The following SCLT1 variants were observed in gnomAD, a reference collection of about 807,000 sequenced individuals.
SCLT1 encodes the protein sodium channel-associated protein 1.
In SCLT1, 78 loss-of-function variants were observed where a neutral mutation model predicts 112.8. The observed-to-expected ratio is 0.69, with a 90% confidence interval of 0.58 to 0.83. The LOEUF is 0.83. SCLT1 is among the 40% of genes least tolerant of loss of function. The pLI, the probability that SCLT1 is intolerant of heterozygous loss-of-function variation, is 0.00. For synonymous variants in SCLT1, 257 were observed against 254.7 expected, an observed-to-expected ratio of 1.01 and a Z score of -0.09; for missense variants, 747 against 770.4, an observed-to-expected ratio of 0.97 and a Z score of 0.36.
chr4:128,917,370 A>C (rs912407894), intron 18 of SCLT1, among the ~76,000 whole-genome samples: 2 of 152,178 alleles, frequency 1.3e-5, no homozygotes, highest in African/African-American at 4.8e-5. Context: ...TAATATTAAG[A>C]TCAACTACTG....
At chr4:128,990,754 A>G (rs1370005099) in intron 9 of SCLT1, among the ~76,000 whole-genome samples, 1 of 151,782 alleles carries the variant, frequency 6.6e-6, no homozygotes, top group Non-Finnish European at 1.5e-5. Flanking sequence ...ATACAAGATC[A>G]ACGAACAAAA....
At chr4:129,080,413 T>C (rs1158713695) in intron 2 of SCLT1, among the ~76,000 whole-genome samples, 1 of 152,150 alleles carries the variant, frequency 6.6e-6, no homozygotes, top group East Asian at 1.9e-4. Flanking sequence ...GCTTGGAAAG[T>C]TTCCTGCCAA....
exon 4 of SCLT1, chr4:128,876,582 A>G (rs1308139406): frequency 2.6e-5 from 4 of 152,240 alleles, no homozygotes; most frequent in African/African-American, 7.2e-5. Context: ...ATTTCCCTTT[A>G]ATGCTCAGAA....
intron 2 of SCLT1, among the ~76,000 whole-genome samples, chr4:129,072,147 C>T (rs1185348647): frequency 6.6e-6 from 1 of 152,120 alleles, no homozygotes; most frequent in Non-Finnish European, 1.5e-5. Flanking sequence ...GTGCCCTAAT[C>T]CCTTCCAGCT....
rs1337049968 is a variant in SCLT1 at position 128,970,356 on chromosome 4, T to C, written c.777+22A>G. 3.0e-6 allele frequency: 4 copies of C among 1,327,808 alleles called. 1 individual carries two copies. In the South Asian group the frequency reaches 4.7e-5, roughly 16 times the overall value. The allele number at this position is 1,327,808 out of a possible 1,614,324, so 82.3% of individuals were successfully genotyped here. A position where few individuals can be genotyped will look rare whatever the true frequency, so the allele number is the denominator to read the frequency against. On this transcript the variant is annotated intron_variant, in intron 10 of 20. Transcript: ENST00000281142. ...AGAAAACTAAGCAATAGGTACCCATTTGTCTTAGAAATAGAAAATACCTTC... is the reference window on the plus strand; with the variant it reads ...AGAAAACTAAGCAATAGGTACCCATCTGTCTTAGAAATAGAAAATACCTTC...
At chr4:128,926,221 A>G (rs1486803091) in intron 18 of SCLT1, among the ~76,000 whole-genome samples, 1 of 152,006 alleles carries the variant, frequency 6.6e-6, no homozygotes, top group African/African-American at 2.4e-5. Context: ...TAGCTTTTTC[A>G]AGACAGATTT....
intron 1 of SCLT1, among the ~76,000 whole-genome samples, chr4:129,084,218 C>G (rs1162838571): frequency 2.6e-5 from 4 of 152,016 alleles, no homozygotes; most frequent in Non-Finnish European, 5.9e-5. Context: ...ACCTAAAAGA[C>G]ACAAAGGCTG....
At chr4:128,911,324 T>A (rs1338292431) in intron 18 of SCLT1, among the ~76,000 whole-genome samples, 1 of 152,176 alleles carries the variant, frequency 6.6e-6, no homozygotes, top group East Asian at 1.9e-4. Flanking sequence ...TAAGTAAGAT[T>A]AGTACATATA....
Position 129,093,157 on chromosome 4 carries a change from C to CAG in SCLT1, c.-56_-55dup. The CAG allele has an allele frequency of 6.4e-7, 1 of 1,561,906 alleles. No homozygotes were observed. Among genetic ancestry groups the CAG allele is most frequent in the Non-Finnish European group, 8.8e-7 (1 of 1,132,890 alleles). On this transcript the variant is annotated 5_prime_UTR_variant, in exon 1 of 21. Transcript: ENST00000281142. ...ACCACCTTTACCTTCCTCTGAAAGA[C>CAG]AGAGAGCTTGCTGTGCGGGAAAACA...
intron 2 of SCLT1, among the ~76,000 whole-genome samples, chr4:129,069,930 G>T (rs1339906397): frequency 6.6e-6 from 1 of 152,024 alleles, no homozygotes; most frequent in Non-Finnish European, 1.5e-5. Flanking sequence ...TATGTCCCTT[G>T]TATGCCAATT....
intron 5 of SCLT1, among the ~76,000 whole-genome samples, chr4:129,022,006 G>C (rs761833512): frequency 1.3e-4 from 20 of 152,204 alleles, no homozygotes; most frequent in Admixed American, 1.2e-3. Flanking sequence ...ATACCCAGGC[G>C]AACAGGTCTG....
intron 5 of SCLT1, among the ~76,000 whole-genome samples, chr4:129,034,570 CTATA>C (rs71589021): frequency 0.012 from 1,792 of 143,756 alleles, 18 homozygotes; most frequent in African/African-American, 0.032. Flanking sequence ...TGTTCTAAAG[CTATA>C]TATATATATA....
At chr4:128,997,963 T>C in intron 7 of SCLT1, 24 bp from the exon 8 acceptor site, 1 of 1,266,322 alleles carries the variant, frequency 7.9e-7, no homozygotes, top group Non-Finnish European at 1.1e-6. Flanking sequence ...GTAAGGGGAG[T>C]ATATAAATAG....
At chr4:129,071,423 G>T (rs1011116658) in intron 2 of SCLT1, among the ~76,000 whole-genome samples, 1 of 152,066 alleles carries the variant, frequency 6.6e-6, no homozygotes. Context: ...TCACTTGTTA[G>T]GTCTATTGGT....
chr4:129,054,533 G>A (rs192633144), intron 2 of SCLT1, among the ~76,000 whole-genome samples: 1 of 151,910 alleles, frequency 6.6e-6, no homozygotes, highest in Admixed American at 6.6e-5. Flanking sequence ...TCTTCCGCTT[G>A]ATCGATTCAG....
Position 128,999,798 on chromosome 4 carries a change from T to A in SCLT1, c.427-4A>T, listed in dbSNP as rs777868835. On this transcript the variant is annotated splice_region_variant and splice_polypyrimidine_tract_variant and intron_variant, in intron 6 of 20. Coordinates refer to ENST00000281142, the MANE Select transcript of SCLT1 (RefSeq NM_144643.4). ...GTTCCACAGCCTGAGTTTTTTCCTA[T>A]TAAAAAAGTTTGATAACTCATTAAA... The A allele has an allele frequency of 1.9e-5, 30 of 1,590,162 alleles. No homozygotes were observed. The South Asian group carries it at 3.2e-4, about 17-fold the overall frequency.
Position 129,093,237 on chromosome 4 carries a change from C to T in SCLT1, c.-134G>A. 4 of 762,726 alleles carry T rather than the reference C, an allele frequency of 5.2e-6. No homozygotes were observed. In the South Asian group the frequency reaches 5.9e-5, roughly 11 times the overall value. 47.2% of individuals were successfully genotyped at this position (762,726 alleles called of 1,614,324 possible). ...AGCGCTCCAGCGGTGCAATCTGCAT[C>T]CTACTCACGCGGCATCTACAGCCCC... On this transcript the variant is annotated 5_prime_UTR_variant, in exon 1 of 21. Transcript: ENST00000281142.
intron 2 of SCLT1, among the ~76,000 whole-genome samples, chr4:129,081,505 T>C (rs1751935130): frequency 6.6e-6 from 1 of 152,132 alleles, no homozygotes; most frequent in South Asian, 2.1e-4. Flanking sequence ...TGTTCAATCA[T>C]GGTGGAAGAT....
chr4:129,063,000 G>A (rs1291583053), intron 2 of SCLT1, among the ~76,000 whole-genome samples: 1 of 152,032 alleles, frequency 6.6e-6, no homozygotes, highest in South Asian at 2.1e-4. Context: ...CTCCTTCTGA[G>A]ACTCTCACAA....
Sources: allele counts gnomAD v4.1 joint callset (sites outside exome capture counted in the v4.1 genomes callset), GRCh38; gene constraint gnomAD v4.1.1; transcripts MANE v1.5; gene names NCBI Gene and HGNC (gene_info 2026-07-23, HGNC 2026-07-21).